Variants in GREB1L observed in about 807,000 individuals in gnomAD.
GREB1L encodes GREB1 like retinoic acid receptor coactivator.
Under a neutral mutation model 200.8 loss-of-function variants are expected in GREB1L, and 17 were observed. That is an observed-to-expected ratio of 0.08 (90% CI 0.06 to 0.13). The LOEUF (loss-of-function observed/expected upper bound fraction) is 0.13. Among genes scored for constraint, GREB1L ranks in the 10% least tolerant of loss-of-function variants. The pLI is 1.00. For missense variants in GREB1L, 1,657 were observed against 2,367.7 expected (o/e 0.70, Z 6.23); for synonymous variants, 789 against 893.0 (o/e 0.88, Z 2.08).
intron 2 of GREB1L, among the ~76,000 whole-genome samples, chr18:21,374,538 T>C (rs2039996643): frequency 6.6e-6 from 1 of 152,168 alleles, no homozygotes; most frequent in African/African-American, 2.4e-5. Flanking sequence ...ATTTTAAAAC[T>C]TCAAATGAGT....
At chr18:21,381,191 G>A (rs1598726425) in intron 2 of GREB1L, among the ~76,000 whole-genome samples, 1 of 152,102 alleles carries the variant, frequency 6.6e-6, no homozygotes, top group South Asian at 2.1e-4. Context: ...GCAGTGAGCC[G>A]AGATAGTGCC....
intron 7 of GREB1L, among the ~76,000 whole-genome samples, chr18:21,429,551 GTTGGGAAATGCTCCTCC>G (rs1176767620): frequency 6.6e-6 from 1 of 151,898 alleles, no homozygotes; most frequent in Non-Finnish European, 1.5e-5. Flanking sequence ...AAGAAGTTGA[GTTGGGAAATGCTCCTCC>G]TTCTACTTTT....
chr18:21,260,862 G>A (rs1348567660), intron 1 of GREB1L, among the ~76,000 whole-genome samples: 1 of 151,786 alleles, frequency 6.6e-6, no homozygotes, highest in Non-Finnish European at 1.5e-5. Context: ...AGCTCAGAAG[G>A]TAGAGAATTT....
chr18:21,390,679 G>A (rs113974223), intron 4 of GREB1L, among the ~76,000 whole-genome samples: 2 of 152,070 alleles, frequency 1.3e-5, no homozygotes, highest in African/African-American at 4.8e-5. Context: ...TGGGACTACA[G>A]GCGCCCACCA....
chr18:21,307,976 G>A (rs1181245671), intron 1 of GREB1L, among the ~76,000 whole-genome samples: 2 of 152,134 alleles, frequency 1.3e-5, no homozygotes, highest in Non-Finnish European at 2.9e-5. Context: ...TTAGTACCCC[G>A]ATACCATGTG....
At chr18:21,392,039 A>G (rs1488353931) in intron 4 of GREB1L, among the ~76,000 whole-genome samples, 2 of 152,098 alleles carry the variant, frequency 1.3e-5, no homozygotes, top group Non-Finnish European at 2.9e-5. Context: ...CGAACTCCTG[A>G]CCTCAGGTGA....
intron 14 of GREB1L, 173 bp downstream of exon 14, chr18:21,452,390 G>A (rs1333592084): frequency 3.2e-6 from 2 of 622,686 alleles, no homozygotes; most frequent in Non-Finnish European, 5.3e-6. Flanking sequence ...CATGTGGCCT[G>A]GATCAAAGGC....
intron 19 of GREB1L, among the ~76,000 whole-genome samples, chr18:21,493,073 G>A (rs967645860): frequency 1.3e-5 from 2 of 152,158 alleles, no homozygotes; most frequent in Admixed American, 6.5e-5. Flanking sequence ...TGTTCACATC[G>A]TAAGCAAGAC....
chr18:21,321,653 C>G (rs1230421200), intron 1 of GREB1L, among the ~76,000 whole-genome samples: 2 of 151,872 alleles, frequency 1.3e-5, no homozygotes, highest in African/African-American at 2.4e-5. Context: ...CGCCATTGCA[C>G]TCCAAGCCTG....
intron 4 of GREB1L, 90 bp from the exon 5 acceptor site, chr18:21,395,295 C>T (rs1052625464): frequency 6.5e-6 from 7 of 1,070,148 alleles, no homozygotes; most frequent in African/African-American, 4.8e-5. Context: ...TAGTGATTCT[C>T]AAAAATAAAT....
chr18:21,496,402 A>T (rs534071386), intron 20 of GREB1L, 52 bp from the exon 21 acceptor site: 2 of 1,538,304 alleles, frequency 1.3e-6, no homozygotes, highest in East Asian at 4.9e-5. Context: ...ACACATACAC[A>T]CTGCGTGCCT....
intron 18 of GREB1L, among the ~76,000 whole-genome samples, chr18:21,486,736 T>G (rs1166771932): frequency 1.3e-5 from 2 of 152,206 alleles, no homozygotes; most frequent in African/African-American, 4.8e-5. Context: ...GTAGAGACAT[T>G]AGAATTTACC....
intron 4 of GREB1L, among the ~76,000 whole-genome samples, chr18:21,393,518 C>T (rs2040915506): frequency 6.6e-6 from 1 of 152,168 alleles, no homozygotes; most frequent in Non-Finnish European, 1.5e-5. Flanking sequence ...CTCTGTTGCC[C>T]AGGCTGGAGT....
chr18:21,522,939 G>A lies in GREB1L; in HGVS notation c.*118G>A. The A allele has an allele frequency of 1.1e-6, 1 of 944,244 alleles. No individual in the cohort carries two copies. Among genetic ancestry groups the A allele is most frequent in the Non-Finnish European group, 1.5e-6 (1 of 658,230 alleles). The allele number at this position is 944,244 out of a possible 1,614,324, so 58.5% of individuals were successfully genotyped here. A position where few individuals can be genotyped will look rare whatever the true frequency, so the allele number is the denominator to read the frequency against. ...CTGTGGAGCAAAGTGCAACATATTT[G>A]TCTAAATTCTCCAAAGAACTCCCCA... On this transcript the variant is annotated 3_prime_UTR_variant, in exon 33 of 33. Transcript: ENST00000424526.
At chr18:21,460,215 C>T (rs1568029910) in intron 15 of GREB1L, among the ~76,000 whole-genome samples, 1 of 152,194 alleles carries the variant, frequency 6.6e-6, no homozygotes, top group Non-Finnish European at 1.5e-5. Context: ...GCTCTTGTGG[C>T]CCAGGCTGGA....
chr18:21,312,518 CT>C (rs1443063823), intron 1 of GREB1L, among the ~76,000 whole-genome samples: 2 of 151,342 alleles, frequency 1.3e-5, no homozygotes, highest in Non-Finnish European at 2.9e-5. Flanking sequence ...AATAACCATT[CT>C]TTTTTTATTC....
chr18:21,243,722 A>G (rs1379111938), intron 1 of GREB1L, among the ~76,000 whole-genome samples: 1 of 152,228 alleles, frequency 6.6e-6, no homozygotes, highest in Non-Finnish European at 1.5e-5. Flanking sequence ...GGTTTTGTGA[A>G]TGATACTGAA....
At chr18:21,327,543 CTTTGAATTATCTT>C (rs1415778976) in intron 1 of GREB1L, among the ~76,000 whole-genome samples, 1 of 151,612 alleles carries the variant, frequency 6.6e-6, no homozygotes, top group Non-Finnish European at 1.5e-5. Context: ...CCATTTTTAT[CTTTGAATTATCTT>C]TTTGAATTAT....
chr18:21,518,521 G>A (rs991383941), intron 31 of GREB1L, among the ~76,000 whole-genome samples: 1 of 152,144 alleles, frequency 6.6e-6, no homozygotes, highest in Non-Finnish European at 1.5e-5. Context: ...TCAGCTGTCA[G>A]CTCCTCTAAG....
Sources: gnomAD v4.1 joint callset for allele counts (sites outside exome capture counted in the v4.1 genomes callset) on GRCh38, gnomAD v4.1.1 for gene constraint, MANE v1.5 for transcripts, NCBI Gene and HGNC (gene_info 2026-07-23, HGNC 2026-07-21) for gene names.